Variants in TFDP1 observed in about 807,000 individuals in gnomAD.
The protein encoded by TFDP1 is transcription factor Dp-1, also known as DRTF1-polypeptide 1.
In TFDP1, 6 loss-of-function variants were observed where a neutral mutation model predicts 48.0. That is an observed-to-expected ratio of 0.13 (90% confidence interval 0.07 to 0.25). The LOEUF (loss-of-function observed/expected upper bound fraction) is 0.25. TFDP1 is among the 10% of genes least tolerant of loss of function. The probability of loss-of-function intolerance (pLI) is 1.00; values close to 1 mark genes in which losing one functional copy is unlikely to be tolerated. For missense variants in TFDP1, 335 were observed against 543.0 expected, an observed-to-expected ratio of 0.62 and a Z score of 3.81; for synonymous variants, 201 against 211.6, an observed-to-expected ratio of 0.95 and a Z score of 0.44.
chr13:113,634,913 G>A (rs4150800), intron 8 of TFDP1, among the ~76,000 whole-genome samples: 1,990 of 150,704 alleles, frequency 0.013, 42 homozygotes, highest in African/African-American at 0.047. Flanking sequence ...GCCTGTGTGC[G>A]TGTGTGTGTG....
At chr13:113,600,201 G>A (rs1457363116) in intron 2 of TFDP1, among the ~76,000 whole-genome samples, 1 of 151,684 alleles carries the variant, frequency 6.6e-6, no homozygotes, top group Non-Finnish European at 1.5e-5. Context: ...TAGGGCTCCA[G>A]GACCGTGAGA....
chr13:113,638,909 G>A (rs1046447811), intron 11 of TFDP1, among the ~76,000 whole-genome samples: 8 of 152,118 alleles, frequency 5.3e-5, no homozygotes, highest in East Asian at 1.9e-4. Context: ...CTATGGGTCC[G>A]GGTAACAGGG....
chr13:113,625,350 G>A lies in TFDP1; in HGVS notation c.186+2064G>A, dbSNP rs576615846. ...AGGCGTCTCTCACGTGTCCTCAGGCGTCTCTCACGTGTCCTCAGGCGTCTC... is the reference window on the plus strand; with the variant it reads ...AGGCGTCTCTCACGTGTCCTCAGGCATCTCTCACGTGTCCTCAGGCGTCTC... On this transcript the variant is annotated intron_variant, in intron 4 of 11. Coordinates refer to ENST00000375370, the MANE Select transcript of TFDP1 (RefSeq NM_007111.5). Among the ~76,000 whole-genome samples the A allele has an allele frequency of 6.2e-3, 787 of 126,100 alleles. 3 individuals carry two copies. The highest frequency in any genetic ancestry group is 0.012 in the Admixed American group (151 of 12,494). 82.7% of individuals were successfully genotyped at this position (126,100 alleles called of 152,430 possible). A position where few individuals can be genotyped will look rare whatever the true frequency, so the allele number is the denominator to read the frequency against.
chr13:113,615,643 C>G (rs1336086934), intron 3 of TFDP1, among the ~76,000 whole-genome samples: 2 of 152,182 alleles, frequency 1.3e-5, no homozygotes, highest in African/African-American at 4.8e-5. Flanking sequence ...GGGGCTCACA[C>G]CAGAAATCCC....
chr13:113,640,019 A>T, intron 11 of TFDP1, 101 bp from the exon 12 acceptor site: 1 of 860,676 alleles, frequency 1.2e-6, no homozygotes, highest in Non-Finnish European at 1.8e-6. Flanking sequence ...CAAAACCCAC[A>T]CCTGTGGGGC....
intron 2 of TFDP1, among the ~76,000 whole-genome samples, chr13:113,587,290 G>A (rs1174040208): frequency 3.9e-5 from 6 of 152,010 alleles, no homozygotes; most frequent in African/African-American, 1.4e-4. Context: ...GAACTGCATA[G>A]GCACAGGGGC....
intron 4 of TFDP1, among the ~76,000 whole-genome samples, chr13:113,629,956 C>T (rs138543203): frequency 2.6e-4 from 39 of 152,290 alleles, no homozygotes; most frequent in African/African-American, 9.1e-4. Flanking sequence ...TGTACCTGTG[C>T]GTGTGGTATG....
rs755151778 is a variant in TFDP1, at chr13:113,613,682, A to AGT, written c.79+2631_79+2632dup. On this transcript the variant is annotated intron_variant, in intron 3 of 11. Transcript: ENST00000375370. ...GTGGGTATGAGTGTGTGTGTGCATGAGTGTGTGTGTGTATGCGTGAATGCG... is the reference window on the plus strand; with the variant it reads ...GTGGGTATGAGTGTGTGTGTGCATGAGTGTGTGTGTGTGTATGCGTGAATGCG... 1.4e-4 allele frequency among the ~76,000 whole-genome samples: 18 copies of AGT among 125,786 alleles called. No homozygotes were observed. The East Asian group carries it at 2.9e-3, about 21-fold the overall frequency. 82.5% of individuals were successfully genotyped at this position (125,786 alleles called of 152,430 possible). A position where few individuals can be genotyped will look rare whatever the true frequency, so the allele number is the denominator to read the frequency against.
intron 2 of TFDP1, 41 bp from the exon 3 acceptor site, chr13:113,610,955 T>G (rs771966050): frequency 6.3e-7 from 1 of 1,597,694 alleles, no homozygotes; most frequent in Non-Finnish European, 8.6e-7. Flanking sequence ...TCGTAGCCCT[T>G]TTAGCTGTCA....
At chr13:113,639,178 A>G (rs1188501587) in intron 11 of TFDP1, among the ~76,000 whole-genome samples, 2 of 152,206 alleles carry the variant, frequency 1.3e-5, no homozygotes, top group African/African-American at 2.4e-5. Context: ...TGTTGTAGCT[A>G]TGTGTGAACG....
chr13:113,603,209 G>A (rs1286826557), intron 2 of TFDP1, among the ~76,000 whole-genome samples: 1 of 152,232 alleles, frequency 6.6e-6, no homozygotes, highest in Non-Finnish European at 1.5e-5. Flanking sequence ...GCTGCTGTGT[G>A]TTGCTTGCTG....
Position 113,641,310 on chromosome 13 carries a change from A to T in TFDP1, c.*1043A>T, listed in dbSNP as rs2049632752. On this transcript the variant is annotated 3_prime_UTR_variant, in exon 12 of 12. Coordinates refer to ENST00000375370, the MANE Select transcript of TFDP1 (RefSeq NM_007111.5). ...TATTCACAAAACCCATTAACTGCAC[A>T]GTTGCTATTAGCTGCCTGTTCTAAA... is the stretch of plus-strand genomic sequence containing the variant. 6.6e-6 allele frequency: 1 copy of T among 152,266 alleles called. No individual in the cohort carries two copies. The highest frequency in any genetic ancestry group is 1.5e-5 in the Non-Finnish European group (1 of 68,044). The allele number at this position is 152,266 out of a possible 1,614,324, so 9.4% of individuals were successfully genotyped here. A position where few individuals can be genotyped will look rare whatever the true frequency, so the allele number is the denominator to read the frequency against.
At chr13:113,585,934 A>G (rs2047992523) in intron 2 of TFDP1, 85 bp downstream of exon 2, 2 of 1,460,260 alleles carry the variant, frequency 1.4e-6, no homozygotes, top group Admixed American at 1.7e-5. Flanking sequence ...TCAGAATGAC[A>G]ACACATAAGC....
Position 113,598,788 on chromosome 13 carries a change from C to T in TFDP1, c.13-12208C>T, listed in dbSNP as rs1290490323. On this transcript the variant is annotated intron_variant, in intron 2 of 11. Coordinates refer to ENST00000375370, the MANE Select transcript of TFDP1 (RefSeq NM_007111.5). The surrounding 1 kb of genome is among the most constrained non-coding windows in gnomAD (Gnocchi z 4.2). ...GTTCTGTGGCCGCCGTCCCTCTGTC[C>T]GCTCGGGGTAGCCAGCTTCCTCTGA... 6.6e-6 allele frequency among the ~76,000 whole-genome samples: 1 copy of T among 152,196 alleles called. No homozygotes were observed. The highest frequency in any genetic ancestry group is 6.5e-5 in the Admixed American group (1 of 15,286).
intron 3 of TFDP1, among the ~76,000 whole-genome samples, chr13:113,614,058 T>G (rs1238951619): frequency 2.0e-5 from 3 of 149,676 alleles, no homozygotes; most frequent in Admixed American, 2.0e-4. Flanking sequence ...AGATGTGTGT[T>G]GTGTGCATGA....
rs1451014299 is a variant in TFDP1 at position 113,592,445 on chromosome 13, C to T, written c.12+6596C>T. 2.0e-5 allele frequency among the ~76,000 whole-genome samples: 3 copies of T among 152,374 alleles called. No individual in the cohort carries two copies. In the East Asian group the frequency reaches 5.8e-4, roughly 29 times the overall value. The stretch of plus-strand genomic sequence containing the variant: ...GTGCTGGGATTCCAGGCGTGAGCCA[C>T]CGCGCCTGGCCATGAATCCTGTTTT... On this transcript the variant is annotated intron_variant, in intron 2 of 11. Coordinates refer to ENST00000375370, the MANE Select transcript of TFDP1 (RefSeq NM_007111.5).
At position 113,626,772 on chromosome 13, in the gene TFDP1, G is replaced by GT. The variant is rs1201535093; in HGVS notation, c.186+3491dup. On this transcript the variant is annotated intron_variant, in intron 4 of 11. Coordinates refer to ENST00000375370, the MANE Select transcript of TFDP1 (RefSeq NM_007111.5). ...CATTTTGATAAAAGCTAAAAATTCA[G>GT]TTTTTGTTTTGCTTGATAATTAGAT... is the stretch of plus-strand genomic sequence containing the variant. Among the ~76,000 whole-genome samples the GT allele has an allele frequency of 3.7e-4, 56 of 152,138 alleles. 2 individuals are homozygous for GT. Among genetic ancestry groups the GT allele is most frequent in the Admixed American group, 3.7e-3 (56 of 15,268 alleles).
chr13:113,585,731 C>G (rs904564651), intron 1 of TFDP1, 43 bp from the exon 2 acceptor site: 1 of 1,212,264 alleles, frequency 8.2e-7, no homozygotes, highest in Non-Finnish European at 1.2e-6. Context: ...TTCATTCTTA[C>G]TTATTTCTTG....
chr13:113,608,726 G>A (rs986422590), intron 2 of TFDP1, among the ~76,000 whole-genome samples: 2 of 152,214 alleles, frequency 1.3e-5, no homozygotes, highest in African/African-American at 2.4e-5. Context: ...CAGTGTGCTT[G>A]CTTTCACCTC....
Sources: gnomAD v4.1 joint callset for allele counts (sites outside exome capture counted in the v4.1 genomes callset) on GRCh38, gnomAD v4.1.1 for gene constraint, Gnocchi (gnomAD v3.1) non-coding constraint, MANE v1.5 for transcripts, NCBI Gene and HGNC (gene_info 2026-07-23, HGNC 2026-07-21) for gene names.